SND1: variants seen among roughly 807,000 people sequenced by gnomAD.
SND1 encodes the protein staphylococcal nuclease and tudor domain containing 1.
SND1 carries 38 observed loss-of-function variants against 121.7 expected under a neutral mutation model. The ratio of observed to expected loss-of-function variants is 0.31; its 90% confidence interval spans 0.24 to 0.41. SND1 has a LOEUF of 0.41. Ranked by LOEUF, SND1 falls within the 10% of genes least tolerant of loss-of-function variation. SND1 has a pLI of 1.00. For missense variants in SND1, 868 were observed against 1,184.6 expected (o/e 0.73, Z 3.92); for synonymous variants, 401 against 447.4 (o/e 0.90, Z 1.31).
At chr7:127,828,442 T>C (rs1798681990) in intron 11 of SND1, among the ~76,000 whole-genome samples, 1 of 152,146 alleles carries the variant, frequency 6.6e-6, no homozygotes. Flanking sequence ...TTTAGAGTGA[T>C]TTCTGTGAAG....
intron 11 of SND1, among the ~76,000 whole-genome samples, chr7:127,829,452 A>G (rs1002539147): frequency 6.6e-6 from 1 of 152,222 alleles, no homozygotes; most frequent in Non-Finnish European, 1.5e-5. Context: ...TGGACAGATT[A>G]GGAGATTAAA....
At chr7:127,858,961 T>C (rs1431107242) in intron 12 of SND1, among the ~76,000 whole-genome samples, 1 of 152,172 alleles carries the variant, frequency 6.6e-6, no homozygotes, top group Non-Finnish European at 1.5e-5. Context: ...ATACCTGCAT[T>C]TACATAAACT....
intron 16 of SND1, among the ~76,000 whole-genome samples, chr7:128,011,315 C>T (rs891060490): frequency 5.3e-5 from 8 of 152,162 alleles, no homozygotes; most frequent in Admixed American, 4.6e-4. Flanking sequence ...TGGTAACTAC[C>T]CTGGTTCCTG....
chr7:127,879,241 A>G (rs1468418426), intron 12 of SND1, among the ~76,000 whole-genome samples: 3 of 152,286 alleles, frequency 2.0e-5, no homozygotes, highest in Admixed American at 2.0e-4. Flanking sequence ...TACAGAAGCC[A>G]AATCTGTCTC....
chr7:127,841,893 T>G (rs1255345718), intron 11 of SND1, among the ~76,000 whole-genome samples: 1 of 152,178 alleles, frequency 6.6e-6, no homozygotes, highest in African/African-American at 2.4e-5. Flanking sequence ...CTTTATATTT[T>G]CTTACTTTCT....
At chr7:128,022,697 A>G (rs998489301) in intron 16 of SND1, among the ~76,000 whole-genome samples, 5 of 145,628 alleles carry the variant, frequency 3.4e-5, no homozygotes, top group African/African-American at 1.3e-4. Flanking sequence ...TCTCCCCAGC[A>G]CACCCCACCC....
At chr7:127,733,423 C>G (rs1205880844) in intron 10 of SND1, among the ~76,000 whole-genome samples, 1 of 152,154 alleles carries the variant, frequency 6.6e-6, no homozygotes, top group African/African-American at 2.4e-5. Context: ...GATTTTTGAA[C>G]AGTTCTGAAG....
intron 1 of SND1, among the ~76,000 whole-genome samples, chr7:127,683,480 G>A (rs891761898): frequency 2.6e-5 from 4 of 152,202 alleles, no homozygotes; most frequent in Non-Finnish European, 4.4e-5. Context: ...TCCTCCCAAA[G>A]TGCTGAGATT....
chr7:128,080,720 G>T (rs1205888813), intron 17 of SND1, among the ~76,000 whole-genome samples: 1 of 152,198 alleles, frequency 6.6e-6, no homozygotes, highest in African/African-American at 2.4e-5. Context: ...GATAGCCTGG[G>T]ATCTGGTTTT....
At chr7:128,084,401 C>T (rs1442657164) in intron 18 of SND1, among the ~76,000 whole-genome samples, 1 of 152,244 alleles carries the variant, frequency 6.6e-6, no homozygotes, top group African/African-American at 2.4e-5. Flanking sequence ...CTTTCTCCAC[C>T]TCCTTAATCA....
intron 16 of SND1, among the ~76,000 whole-genome samples, chr7:128,054,079 G>C (rs1040528373): frequency 6.6e-6 from 1 of 152,230 alleles, no homozygotes; most frequent in Non-Finnish European, 1.5e-5. Context: ...GTAAGTCATC[G>C]GCAGTACCCT....
At chr7:127,929,377 G>A (rs757417951) in intron 15 of SND1, 48 bp downstream of exon 15, 2 of 1,592,934 alleles carry the variant, frequency 1.3e-6, no homozygotes, top group South Asian at 1.1e-5. Flanking sequence ...AGTCATCCCT[G>A]GAAACCACAT....
intron 12 of SND1, among the ~76,000 whole-genome samples, chr7:127,848,655 T>C (rs1374991490): frequency 6.6e-6 from 1 of 152,232 alleles, no homozygotes; most frequent in Non-Finnish European, 1.5e-5. Context: ...TTTCCTGTTA[T>C]TAAAGAGAAC....
At chr7:127,751,386 T>G (rs1358919642) in intron 10 of SND1, among the ~76,000 whole-genome samples, 1 of 152,226 alleles carries the variant, frequency 6.6e-6, no homozygotes, top group Admixed American at 6.5e-5. Flanking sequence ...CCTGGCTGTT[T>G]CCATGGTAGA....
intron 16 of SND1, among the ~76,000 whole-genome samples, chr7:128,018,738 A>T (rs1803283000): frequency 6.6e-6 from 1 of 151,872 alleles, no homozygotes. Context: ...AAAATAAGGG[A>T]CTCCCTACCC....
At chr7:128,040,264 T>A (rs747269137) in intron 16 of SND1, among the ~76,000 whole-genome samples, 1 of 151,064 alleles carries the variant, frequency 6.6e-6, no homozygotes, top group Non-Finnish European at 1.5e-5. Flanking sequence ...ACGGGGTGTG[T>A]CACAGAAATT....
chr7:127,798,876 C>T (rs1256262699), intron 10 of SND1, among the ~76,000 whole-genome samples: 1 of 152,144 alleles, frequency 6.6e-6, no homozygotes, highest in African/African-American at 2.4e-5. Context: ...AAGACCCTGT[C>T]TCTACAGAAA....
At chr7:127,767,247 T>C (rs1254977557) in intron 10 of SND1, among the ~76,000 whole-genome samples, 1 of 152,180 alleles carries the variant, frequency 6.6e-6, no homozygotes, top group East Asian at 1.9e-4. Flanking sequence ...CACTGTTTAA[T>C]GTAGTAGACA....
At chr7:127,929,124 T>C in intron 14 of SND1, 64 bp from the exon 15 acceptor site, 1 of 1,559,412 alleles carries the variant, frequency 6.4e-7, no homozygotes, top group Non-Finnish European at 8.8e-7. Context: ...TGTCCTAGAC[T>C]ATAAAGAAAG....
Sources: gnomAD v4.1 joint callset for allele counts (sites outside exome capture counted in the v4.1 genomes callset) on GRCh38, gnomAD v4.1.1 for gene constraint, MANE v1.5 for transcripts, NCBI Gene and HGNC (gene_info 2026-07-23, HGNC 2026-07-21) for gene names.